The following NCOA2 variants were observed in gnomAD, a reference collection of about 807,000 sequenced individuals.
NCOA2 encodes nuclear receptor coactivator 2.
In NCOA2, 21 loss-of-function variants were observed where a neutral mutation model predicts 145.1. The ratio of observed to expected loss-of-function variants is 0.14; its 90% CI spans 0.10 to 0.21. NCOA2 has a LOEUF of 0.21. Among genes scored for constraint, NCOA2 ranks in the 10% least tolerant of loss-of-function variants. The pLI, the probability that NCOA2 is intolerant of heterozygous loss-of-function variation, is 1.00. For synonymous variants in NCOA2, 619 were observed against 637.5 expected (o/e 0.97, Z 0.44); for missense variants, 1,472 against 1,837.6 (o/e 0.80, Z 3.64).
intron 1 of NCOA2, among the ~76,000 whole-genome samples, chr8:70,365,742 G>A (rs1014932698): frequency 2.0e-5 from 3 of 152,260 alleles, no homozygotes; most frequent in East Asian, 1.9e-4. Context: ...AGCCATTGCC[G>A]GTGGCAGAAG....
chr8:70,136,331 C>T (rs1284802532), intron 15 of NCOA2, among the ~76,000 whole-genome samples: 1 of 152,146 alleles, frequency 6.6e-6, no homozygotes, highest in Non-Finnish European at 1.5e-5. Flanking sequence ...CACTGCACTC[C>T]AGCCTGGGCA....
intron 1 of NCOA2, among the ~76,000 whole-genome samples, chr8:70,364,460 G>A (rs1810495662): frequency 6.6e-6 from 1 of 152,142 alleles, no homozygotes; most frequent in Non-Finnish European, 1.5e-5. Context: ...ACAAAATGTG[G>A]CAAACTGAAA....
At chr8:70,255,054 A>T (rs1382651702) in intron 2 of NCOA2, among the ~76,000 whole-genome samples, 2 of 152,236 alleles carry the variant, frequency 1.3e-5, no homozygotes, top group African/African-American at 2.4e-5. Context: ...AATAAAATTT[A>T]AAAAATACTT....
At chr8:70,232,057 T>C (rs1416818809) in intron 2 of NCOA2, among the ~76,000 whole-genome samples, 1 of 152,194 alleles carries the variant, frequency 6.6e-6, no homozygotes, top group Non-Finnish European at 1.5e-5. Flanking sequence ...CGCTGCCTTC[T>C]ATAATCATGC....
At chr8:70,441,377 G>A in the NCOA2 span, among the ~76,000 whole-genome samples, 1 of 107,548 alleles carries the variant, frequency 9.3e-6, no homozygotes, top group Non-Finnish European at 1.9e-5. Flanking sequence ...GAGAGAGAAA[G>A]AAAGAAGAAA....
At chr8:70,246,668 T>C (rs751575710) in intron 2 of NCOA2, among the ~76,000 whole-genome samples, 53 of 152,196 alleles carry the variant, frequency 3.5e-4, no homozygotes, top group Admixed American at 8.5e-4. Flanking sequence ...TCTCCTGAAC[T>C]TTTTCATCTT....
In NCOA2 at chr8:70,392,773, T is replaced by G. The variant is rs1177076836; in HGVS notation, c.-77+10927A>C. On this transcript the variant is annotated intron_variant, in intron 1 of 22. Coordinates refer to ENST00000452400, the MANE Select transcript of NCOA2 (RefSeq NM_006540.4). ...TGATACTATTAATCCCTCTTCTCAC[T>G]CCAGTGGCAAAATATTCTGCAGGGG... is the stretch of plus-strand genomic sequence containing the variant. Among the ~76,000 whole-genome samples the G allele has an allele frequency of 1.3e-5, 2 of 152,210 alleles. 1 individual carries two copies.
the NCOA2 span, among the ~76,000 whole-genome samples, chr8:70,419,732 T>A: frequency 6.6e-6 from 1 of 152,164 alleles, no homozygotes; most frequent in Non-Finnish European, 1.5e-5. Flanking sequence ...GTTTTTACTA[T>A]TTTTTTCACC....
At chr8:70,267,511 C>A (rs1032813671) in intron 2 of NCOA2, among the ~76,000 whole-genome samples, 1 of 151,924 alleles carries the variant, frequency 6.6e-6, no homozygotes, top group South Asian at 2.1e-4. Context: ...GATCCTCCTG[C>A]CTCAGCCTCC....
In NCOA2 at chr8:70,403,774, G is replaced by T. The variant is rs1328900250; in HGVS notation, c.-151C>A. On this transcript the variant is annotated 5_prime_UTR_variant, in exon 1 of 23. Coordinates refer to ENST00000452400, the MANE Select transcript of NCOA2 (RefSeq NM_006540.4). ...CTTCGCCGCCGAAGCTGTAGCCGAG[G>T]CTGCGGCCGCCATGTTCCCGTGTTA... is the stretch of plus-strand genomic sequence containing the variant. 3 of 397,902 alleles carry T rather than the reference G, an allele frequency of 7.5e-6. No individual in the cohort carries two copies. The highest frequency in any genetic ancestry group is 4.4e-5 in the Admixed American group (1 of 22,696). The allele number at this position is 397,902 out of a possible 1,614,324, so 24.6% of individuals were successfully genotyped here.
At chr8:70,163,337 A>T (rs1813256537) in intron 8 of NCOA2, 128 bp downstream of exon 8, 1 of 668,600 alleles carries the variant, frequency 1.5e-6, no homozygotes. Context: ...CAACTCCTTG[A>T]CATTTCTACT....
chr8:70,316,876 G>T (rs1190415623), intron 1 of NCOA2, among the ~76,000 whole-genome samples: 1 of 152,160 alleles, frequency 6.6e-6, no homozygotes, highest in East Asian at 1.9e-4. Flanking sequence ...CACTGCTGAT[G>T]ACGCCCGAGA....
In NCOA2 at chr8:70,148,481, A is replaced by C; in HGVS notation, c.2397T>G (p.Pro799=). The C allele has an allele frequency of 6.2e-7, 1 of 1,612,744 alleles. No individual in the cohort carries two copies. The highest frequency in any genetic ancestry group is 8.5e-7 in the Non-Finnish European group (1 of 1,179,770). The change falls in exon 12 of 23, where the codon CCT becomes CCG. Residue 799 remains proline, a splice_region_variant and synonymous_variant. Transcript: ENST00000452400. ...CCTCCAAGTTGTCCAGCTCACTGCCAGGCTGTAGTTGACAAACAGAAGAGT... is the reference window on the plus strand; with the variant it reads ...CCTCCAAGTTGTCCAGCTCACTGCCCGGCTGTAGTTGACAAACAGAAGAGT... ...EEMSFEPGDQ[P]GSELDNLEEI... is the part of the protein sequence containing the mutation.
At chr8:70,426,795 T>C in the NCOA2 span, among the ~76,000 whole-genome samples, 22 of 152,122 alleles carry the variant, frequency 1.4e-4, no homozygotes, top group African/African-American at 3.9e-4. Context: ...AAACTCTGAA[T>C]TGGTTTTTGG....
intron 4 of NCOA2, among the ~76,000 whole-genome samples, chr8:70,205,267 T>C (rs1367144979): frequency 6.6e-6 from 1 of 152,060 alleles, no homozygotes; most frequent in African/African-American, 2.4e-5. Context: ...GTAATGGGAA[T>C]AGACAGAAAC....
At chr8:70,416,187 G>GTTTTTTTTTTTT in the NCOA2 span, among the ~76,000 whole-genome samples, 1 of 136,754 alleles carries the variant, frequency 7.3e-6, no homozygotes, top group Non-Finnish European at 1.6e-5. Flanking sequence ...GGGGACCTCA[G>GTTTTTTTTTTTT]TTTTTTTGTT....
At chr8:70,416,065 C>G in the NCOA2 span, among the ~76,000 whole-genome samples, 6 of 152,040 alleles carry the variant, frequency 3.9e-5, no homozygotes, top group African/African-American at 1.5e-4. Context: ...ATTGTGGGGA[C>G]TTGAAAGTCC....
At chr8:70,225,299 C>T (rs1820522293) in intron 2 of NCOA2, among the ~76,000 whole-genome samples, 1 of 152,010 alleles carries the variant, frequency 6.6e-6, no homozygotes, top group African/African-American at 2.4e-5. Flanking sequence ...GCCTGTAATC[C>T]CAGCATTTTG....
intron 2 of NCOA2, among the ~76,000 whole-genome samples, chr8:70,286,606 G>A (rs890120174): frequency 2.6e-5 from 4 of 152,040 alleles, no homozygotes; most frequent in African/African-American, 9.7e-5. Context: ...TCTTTACTAT[G>A]TATGCTTAGA....
Sources: allele counts gnomAD v4.1 joint callset (sites outside exome capture counted in the v4.1 genomes callset), GRCh38; gene constraint gnomAD v4.1.1; transcripts MANE v1.5; gene names NCBI Gene and HGNC (gene_info 2026-07-23, HGNC 2026-07-21).